OSBP: variants seen among roughly 807,000 people sequenced by gnomAD.
The protein encoded by OSBP is oxysterol-binding protein 1.
In OSBP, 32 loss-of-function variants were observed where a neutral mutation model predicts 96.6. The observed-to-expected ratio is 0.33, with a 90% CI of 0.25 to 0.45. The LOEUF is 0.45. Among genes scored for constraint, OSBP ranks in the 20% least tolerant of loss-of-function variants. The pLI, the probability that OSBP is intolerant of heterozygous loss-of-function variation, is 1.00. For synonymous variants in OSBP, 369 were observed against 389.6 expected (o/e 0.95, Z 0.62); for missense variants, 653 against 1,029.7 (o/e 0.63, Z 5.01).
At chr11:59,610,651 C>T in intron 1 of OSBP, 62 bp from the exon 2 acceptor site, 2 of 1,344,924 alleles carry the variant, frequency 1.5e-6, no homozygotes, top group South Asian at 1.2e-5. Flanking sequence ...TTATCACATT[C>T]CATTTCTTTT....
rs757045400 is a variant in OSBP at position 59,576,569 on chromosome 11, C to T, written c.*8G>A. On this transcript the variant is annotated 3_prime_UTR_variant, in exon 14 of 14. Transcript: ENST00000263847. ...CATTATATGCTCCTCTTTTTTGTTA[C>T]TGCCGTTTCAGAAAATGTCCGGGCA... 2 of 1,608,796 alleles carry T rather than the reference C, an allele frequency of 1.2e-6. No homozygotes were observed. The highest frequency in any genetic ancestry group is 1.3e-5 in the African/African-American group (1 of 74,518).
intron 9 of OSBP, among the ~76,000 whole-genome samples, chr11:59,586,609 C>T (rs1384005092): frequency 6.6e-6 from 1 of 152,140 alleles, no homozygotes; most frequent in African/African-American, 2.4e-5. Context: ...AAGAACAAAG[C>T]TAGAGGACTC....
intron 9 of OSBP, among the ~76,000 whole-genome samples, chr11:59,585,334 T>C (rs996111932): frequency 6.7e-6 from 1 of 149,820 alleles, no homozygotes; most frequent in Non-Finnish European, 1.5e-5. Flanking sequence ...CGCGACCCCG[T>C]CTGGGAGGTG....
intron 9 of OSBP, among the ~76,000 whole-genome samples, chr11:59,586,788 G>A (rs530345535): frequency 1.4e-4 from 22 of 152,268 alleles, no homozygotes; most frequent in African/African-American, 4.6e-4. Context: ...ACTCAATGGG[G>A]ACAGGACAGT....
chr11:59,583,264 A>G (rs766078774), intron 9 of OSBP, among the ~76,000 whole-genome samples: 8 of 152,200 alleles, frequency 5.3e-5, no homozygotes, highest in Non-Finnish European at 7.3e-5. Context: ...GTGAGCCAAG[A>G]TCACATCACT....
chr11:59,602,504 G>C (rs558202428), intron 3 of OSBP, among the ~76,000 whole-genome samples: 1 of 152,294 alleles, frequency 6.6e-6, no homozygotes, highest in East Asian at 1.9e-4. Context: ...ACTAACATGA[G>C]GATCAAATAC....
intron 2 of OSBP, 79 bp from the exon 3 acceptor site, chr11:59,608,813 C>A (rs1860812802): frequency 1.4e-6 from 2 of 1,390,458 alleles, no homozygotes; most frequent in Non-Finnish European, 2.0e-6. Flanking sequence ...TGTCCAGAAA[C>A]AAACCAACAT....
At position 59,574,856 on chromosome 11, in the gene OSBP, G is replaced by A. The variant is rs117354671; in HGVS notation, c.*1721C>T. 8.2e-3 allele frequency: 1,256 copies of A among 152,710 alleles called. 12 individuals carry two copies. The highest frequency in any genetic ancestry group is 0.014 in the Non-Finnish European group (927 of 68,032). The allele number at this position is 152,710 out of a possible 1,614,324, so 9.5% of individuals were successfully genotyped here. On this transcript the variant is annotated 3_prime_UTR_variant, in exon 14 of 14. Transcript: ENST00000263847. ...CCAGTAAAACCAATTTCCCCATAGG[G>A]ATGGCTTCCTTTGGAATGGTATTTC...
intron 7 of OSBP, among the ~76,000 whole-genome samples, chr11:59,595,765 C>T (rs1298584546): frequency 6.6e-6 from 1 of 150,944 alleles, no homozygotes; most frequent in Non-Finnish European, 1.5e-5. Context: ...CATGGCAAAA[C>T]ACCATCTCTA....
intron 1 of OSBP, among the ~76,000 whole-genome samples, chr11:59,610,814 T>G (rs1350746139): frequency 8.6e-5 from 13 of 151,716 alleles, no homozygotes; most frequent in Non-Finnish European, 1.6e-4. Flanking sequence ...TTTTTTTTTT[T>G]TTGCTTTGCT....
chr11:59,599,454 A>C (rs1431820350), intron 7 of OSBP, among the ~76,000 whole-genome samples: 1 of 152,046 alleles, frequency 6.6e-6, no homozygotes, highest in East Asian at 1.9e-4. Flanking sequence ...TGGCCCCATG[A>C]ATTTGTTTCT....
At chr11:59,601,168 T>C (rs561118526) in intron 5 of OSBP, 115 bp downstream of exon 5, 2 of 608,974 alleles carry the variant, frequency 3.3e-6, no homozygotes, top group Non-Finnish European at 2.9e-6. Context: ...TTGACAATTA[T>C]AATACTCTCA....
At position 59,601,115 on chromosome 11, in the gene OSBP, C is replaced by A. The variant is rs1326802916; in HGVS notation, c.1124+168G>T. Among the ~76,000 whole-genome samples, 1,843 of 113,398 alleles carry A rather than the reference C, an allele frequency of 0.016. No individual in the cohort carries two copies. The highest frequency in any genetic ancestry group is 0.018 in the Non-Finnish European group (1,065 of 57,846). 74.4% of individuals were successfully genotyped at this position (113,398 alleles called of 152,430 possible). On this transcript the variant is annotated intron_variant, in intron 5 of 13. Transcript: ENST00000263847. ...CCCATTCTACAAAGAGATCTTGAGA[C>A]AAAAAAAAAAAAAAAAAAAGGGAAA...
chr11:59,580,448 T>C (rs1027351069), intron 10 of OSBP, among the ~76,000 whole-genome samples, 179 bp from the exon 11 acceptor site: 2 of 152,238 alleles, frequency 1.3e-5, no homozygotes, highest in Admixed American at 1.3e-4. Flanking sequence ...TTTTCCAGGT[T>C]GAGATCAAGA....
chr11:59,611,135 C>CAA (rs35074206), intron 1 of OSBP, among the ~76,000 whole-genome samples: 1,184 of 59,936 alleles, frequency 0.02, 29 homozygotes, highest in African/African-American at 0.054. Flanking sequence ...AACTCCGTCT[C>CAA]AAAAAAAAAA....
At chr11:59,594,892 A>G (rs1860629431) in intron 7 of OSBP, among the ~76,000 whole-genome samples, 1 of 152,096 alleles carries the variant, frequency 6.6e-6, no homozygotes, top group South Asian at 2.1e-4. Flanking sequence ...GCTTAAGGCG[A>G]CCAAGTACTG....
At chr11:59,577,404 C>T (rs1486902085) in intron 12 of OSBP, among the ~76,000 whole-genome samples, 2 of 152,146 alleles carry the variant, frequency 1.3e-5, no homozygotes, top group Non-Finnish European at 1.5e-5. Flanking sequence ...TATTAGATGA[C>T]GACAGGAAAT....
chr11:59,615,583 G>A lies in OSBP; in HGVS notation c.82C>T (p.Pro28Ser). 3.6e-6 allele frequency: 5 copies of A among 1,375,180 alleles called. No homozygotes were observed. Among genetic ancestry groups the A allele is most frequent in the Non-Finnish European group, 4.7e-6 (5 of 1,060,058 alleles). The allele number at this position is 1,375,180 out of a possible 1,614,324, so 85.2% of individuals were successfully genotyped here. A position where few individuals can be genotyped will look rare whatever the true frequency, so the allele number is the denominator to read the frequency against. The change falls in exon 1 of 14, where the codon CCA becomes TCA. Residue 28 changes from proline (P) to serine (S), a missense_variant. By Grantham distance (74) the Pro-to-Ser change is moderately conservative (BLOSUM62 -1). This residue lies in a region of OSBP where 151 missense variants were observed against 146.1 expected (regional missense o/e 1.03). Coordinates refer to ENST00000263847, the MANE Select transcript of OSBP (RefSeq NM_002556.3). ...AALGGGGAGPPVVGGGGGRGD... is the reference protein window; with the variant it reads ...AALGGGGAGPSVVGGGGGRGD... ...CGGCCGCCGCCTCCTCCCACCACTGGGGGACCGGCGCCGCCGCCGCCAAGT... is the reference window on the plus strand; with the variant it reads ...CGGCCGCCGCCTCCTCCCACCACTGAGGGACCGGCGCCGCCGCCGCCAAGT...
intron 2 of OSBP, 101 bp from the exon 3 acceptor site, chr11:59,608,835 T>C: frequency 1.7e-6 from 2 of 1,183,704 alleles, no homozygotes; most frequent in Non-Finnish European, 2.5e-6. Flanking sequence ...CCTCATGCTG[T>C]GTGCATTCTG....
Sources: gnomAD v4.1 joint callset for allele counts (sites outside exome capture counted in the v4.1 genomes callset) on GRCh38, gnomAD v4.1.1 for gene constraint, gnomAD v4.1.1 regional missense constraint, MANE v1.5 for transcripts, NCBI Gene and HGNC (gene_info 2026-07-23, HGNC 2026-07-21) for gene names.